The following MYO1B variants were observed in gnomAD, a reference collection of about 807,000 sequenced individuals.
MYO1B encodes unconventional myosin-Ib.
Under a neutral mutation model 159.7 loss-of-function variants are expected in MYO1B, and 72 were observed. That is an observed-to-expected ratio of 0.45 (90% confidence interval 0.37 to 0.55). The LOEUF is 0.55. MYO1B is among the 20% of genes least tolerant of loss of function. MYO1B has a pLI of 0.00. For synonymous variants in MYO1B, 468 were observed against 473.8 expected (o/e 0.99, Z 0.16); for missense variants, 1,062 against 1,364.8 (o/e 0.78, Z 3.50).
chr2:191,263,275 T>C, intron 1 of MYO1B: 4 of 974,932 alleles, frequency 4.1e-6, no homozygotes, highest in Non-Finnish European at 3.7e-6. Flanking sequence ...AAAATATTTG[T>C]TGTACTTAGT....
intron 13 of MYO1B, among the ~76,000 whole-genome samples, chr2:191,371,303 A>AC (rs1694349979): frequency 6.6e-6 from 1 of 152,216 alleles, no homozygotes; most frequent in South Asian, 2.1e-4. Context: ...CAGAAAAAAA[A>AC]CATCAGATCA....
chr2:191,274,830 C>T (rs747388716), intron 1 of MYO1B, among the ~76,000 whole-genome samples: 32 of 152,274 alleles, frequency 2.1e-4, no homozygotes, highest in Non-Finnish European at 4.0e-4. Context: ...AAACAGAGCC[C>T]AGCCAACTTC....
At chr2:191,276,580 CT>C (rs947807162) in intron 1 of MYO1B, among the ~76,000 whole-genome samples, 3 of 152,118 alleles carry the variant, frequency 2.0e-5, no homozygotes, top group African/African-American at 4.8e-5. Context: ...TTTCCTCCCC[CT>C]GGAGTTTTGC....
chr2:191,363,490 A>C (rs1035416003), intron 9 of MYO1B, among the ~76,000 whole-genome samples: 1 of 152,104 alleles, frequency 6.6e-6, no homozygotes, highest in Admixed American at 6.6e-5. Flanking sequence ...TAGGGACCCA[A>C]GGCTCTGCTC....
Position 191,349,598 on chromosome 2 carries a change from C to T in MYO1B, c.499-564C>T, listed in dbSNP as rs539929678. On this transcript the variant is annotated intron_variant, in intron 6 of 30. Transcript: ENST00000392318. ...ATCTATAAAGTGTAAAATGAACCTG[C>T]GTTATATATTGCTATTATAATCTGG... Among the ~76,000 whole-genome samples the T allele has an allele frequency of 2.4e-4, 36 of 152,252 alleles. 1 individual carries two copies. Among genetic ancestry groups the T allele is most frequent in the South Asian group, 4.2e-4 (2 of 4,818 alleles).
intron 4 of MYO1B, among the ~76,000 whole-genome samples, chr2:191,334,450 C>A (rs1691695290): frequency 6.6e-6 from 1 of 152,138 alleles, no homozygotes; most frequent in African/African-American, 2.4e-5. Context: ...ATAACTACCA[C>A]CCTATTTCTC....
intron 3 of MYO1B, among the ~76,000 whole-genome samples, chr2:191,314,388 G>A (rs1690214593): frequency 6.6e-6 from 1 of 152,154 alleles, no homozygotes; most frequent in Non-Finnish European, 1.5e-5. Flanking sequence ...GATTATTGGT[G>A]ATTATTTGAA....
chr2:191,291,467 T>G (rs987453245), intron 2 of MYO1B, among the ~76,000 whole-genome samples: 1 of 152,206 alleles, frequency 6.6e-6, no homozygotes, highest in Non-Finnish European at 1.5e-5. Context: ...CTTTCATTCT[T>G]GTTTGCTTCT....
chr2:191,318,178 T>TA (rs1690474692), intron 3 of MYO1B, among the ~76,000 whole-genome samples: 1 of 152,186 alleles, frequency 6.6e-6, no homozygotes, highest in South Asian at 2.1e-4. Flanking sequence ...AATAGGATTT[T>TA]ATAGGTGTAC....
At chr2:191,253,064 A>AC (rs1553526340) in intron 1 of MYO1B, among the ~76,000 whole-genome samples, 1 of 152,090 alleles carries the variant, frequency 6.6e-6, no homozygotes, top group South Asian at 2.1e-4. Flanking sequence ...TAAGTTGGAA[A>AC]AAAAAACAAA....
chr2:191,304,951 A>G (rs1689559178), intron 3 of MYO1B, among the ~76,000 whole-genome samples: 1 of 152,150 alleles, frequency 6.6e-6, no homozygotes, highest in African/African-American at 2.4e-5. Context: ...TCTTAAAGGG[A>G]AAAGTTTGGT....
intron 1 of MYO1B, among the ~76,000 whole-genome samples, chr2:191,272,698 A>ACCCATACTC (rs1251574967): frequency 6.6e-6 from 1 of 152,090 alleles, no homozygotes; most frequent in Non-Finnish European, 1.5e-5. Context: ...GAAATAACCA[A>ACCCATACTC]CCCATACTCT....
At chr2:191,358,140 C>G (rs1693422154) in intron 7 of MYO1B, among the ~76,000 whole-genome samples, 1 of 152,018 alleles carries the variant, frequency 6.6e-6, no homozygotes, top group Non-Finnish European at 1.5e-5. Flanking sequence ...AGACTGTAAG[C>G]ATGATACCTA....
rs563104505 is a variant in MYO1B at position 191,352,678 on chromosome 2, G to C, written c.562+2453G>C. On this transcript the variant is annotated intron_variant, in intron 7 of 30. Coordinates refer to ENST00000392318, the MANE Select transcript of MYO1B (RefSeq NM_001130158.3). ...AAATTATATTGAAATTTGTGGTAGT[G>C]AGAACACCCTGGTATTTAAGAGTAT... 2.6e-5 allele frequency among the ~76,000 whole-genome samples: 4 copies of C among 152,296 alleles called. No individual in the cohort carries two copies. In the South Asian group the frequency reaches 8.3e-4, roughly 32 times the overall value.
At chr2:191,261,128 G>A (rs533730421) in intron 1 of MYO1B, among the ~76,000 whole-genome samples, 1 of 152,292 alleles carries the variant, frequency 6.6e-6, no homozygotes, top group East Asian at 1.9e-4. Flanking sequence ...CCTGTAGTGT[G>A]CTCTTGAGTT....
chr2:191,278,285 A>G (rs1378513887), intron 2 of MYO1B, among the ~76,000 whole-genome samples: 2 of 152,106 alleles, frequency 1.3e-5, no homozygotes, highest in African/African-American at 2.4e-5. Context: ...GAAGAGGAAT[A>G]CTCCTTCATA....
At chr2:191,253,978 G>T (rs992468382) in intron 1 of MYO1B, among the ~76,000 whole-genome samples, 1 of 152,044 alleles carries the variant, frequency 6.6e-6, no homozygotes, top group African/African-American at 2.4e-5. Context: ...TTGTGCCAAG[G>T]TGCTTCATGG....
intron 14 of MYO1B, 76 bp downstream of exon 14, chr2:191,381,642 C>A: frequency 1.9e-6 from 2 of 1,078,736 alleles, no homozygotes; most frequent in South Asian, 1.4e-5. Flanking sequence ...AGAAGATAGC[C>A]TAAACAAGAA....
intron 21 of MYO1B, among the ~76,000 whole-genome samples, chr2:191,398,743 G>A (rs543335028): frequency 1.3e-5 from 2 of 151,968 alleles, no homozygotes; most frequent in African/African-American, 2.4e-5. Context: ...CTTCCTAGAT[G>A]GGATGGCGGC....
Sources: gnomAD v4.1 joint callset for allele counts (sites outside exome capture counted in the v4.1 genomes callset) on GRCh38, gnomAD v4.1.1 for gene constraint, MANE v1.5 for transcripts, NCBI Gene and HGNC (gene_info 2026-07-23, HGNC 2026-07-21) for gene names.